PPP1R9A: variants seen among roughly 807,000 people sequenced by gnomAD.
PPP1R9A encodes protein phosphatase 1 regulatory subunit 9A.
A neutral mutation model predicts 141.9 loss-of-function variants in PPP1R9A; 59 were observed. The ratio of observed to expected loss-of-function variants is 0.42; its 90% CI spans 0.34 to 0.52. The LOEUF (loss-of-function observed/expected upper bound fraction) is 0.52. Ranked by LOEUF, PPP1R9A falls within the 20% of genes least tolerant of loss-of-function variation. PPP1R9A has a pLI of 0.10. For missense variants in PPP1R9A, 1,444 were observed against 1,611.9 expected, an observed-to-expected ratio of 0.90 and a Z score of 1.78; for synonymous variants, 500 against 569.7, an observed-to-expected ratio of 0.88 and a Z score of 1.74.
At chr7:94,980,331 CATTT>C (rs1387114258) in intron 2 of PPP1R9A, among the ~76,000 whole-genome samples, 1 of 152,068 alleles carries the variant, frequency 6.6e-6, no homozygotes, top group Non-Finnish European at 1.5e-5. Context: ...TGCATTGGCA[CATTT>C]ATGTGCGTGT....
At chr7:95,142,836 A>G (rs1826947003) in intron 4 of PPP1R9A, among the ~76,000 whole-genome samples, 1 of 152,098 alleles carries the variant, frequency 6.6e-6, no homozygotes. Context: ...ACATGTAAAG[A>G]GACAAAGCTG....
At chr7:95,136,882 A>C (rs1228730601) in intron 4 of PPP1R9A, among the ~76,000 whole-genome samples, 1 of 152,186 alleles carries the variant, frequency 6.6e-6, no homozygotes, top group Admixed American at 6.5e-5. Context: ...GAAATACCAC[A>C]CAATATCTGG....
At chr7:95,162,522 A>G (rs148754004) in intron 5 of PPP1R9A, among the ~76,000 whole-genome samples, 1 of 152,312 alleles carries the variant, frequency 6.6e-6, no homozygotes, top group Admixed American at 6.5e-5. Context: ...TGAATATTGT[A>G]TATTGGAAAA....
chr7:95,286,087 A>G, intron 17 of PPP1R9A, 119 bp from the exon 18 acceptor site: 1 of 1,462,514 alleles, frequency 6.8e-7, no homozygotes, highest in South Asian at 1.4e-5. Flanking sequence ...GTCATCACCA[A>G]ATCATACATG....
intron 4 of PPP1R9A, among the ~76,000 whole-genome samples, chr7:95,157,844 A>T (rs1829877591): frequency 6.6e-6 from 1 of 152,162 alleles, no homozygotes; most frequent in African/African-American, 2.4e-5. Flanking sequence ...TTATGGTAAC[A>T]CTCAAATTTT....
In PPP1R9A at chr7:95,072,908, G is replaced by A. The variant is rs1439415718; in HGVS notation, c.1396-38351G>A. Among the ~76,000 whole-genome samples, 10 of 112,856 alleles carry A rather than the reference G, an allele frequency of 8.9e-5. No homozygotes were observed. The Admixed American group carries it at 1.1e-3, about 13-fold the overall frequency. The allele number at this position is 112,856 out of a possible 152,430, so 74.0% of individuals were successfully genotyped here. A position where few individuals can be genotyped will look rare whatever the true frequency, so the allele number is the denominator to read the frequency against. ...AATATACCATATATAGCATATATGT[G>A]CAATATATATTATATATTGCATATA... On this transcript the variant is annotated intron_variant, in intron 2 of 19. Transcript: ENST00000433360.
At chr7:95,154,527 T>C (rs34139653) in intron 4 of PPP1R9A, among the ~76,000 whole-genome samples, 1 of 152,134 alleles carries the variant, frequency 6.6e-6, no homozygotes, top group Non-Finnish European at 1.5e-5. Context: ...TTAAGAAGAA[T>C]TTTTTCCCTA....
intron 2 of PPP1R9A, among the ~76,000 whole-genome samples, chr7:95,109,847 AAAAG>A (rs1388905570): frequency 1.3e-5 from 2 of 151,938 alleles, no homozygotes; most frequent in South Asian, 2.1e-4. Flanking sequence ...AATGAAAAAA[AAAAG>A]AAGAAGAAAA....
At chr7:94,945,960 A>G (rs1795849323) in intron 2 of PPP1R9A, among the ~76,000 whole-genome samples, 2 of 152,088 alleles carry the variant, frequency 1.3e-5, no homozygotes, top group African/African-American at 4.8e-5. Flanking sequence ...AATATAAGAG[A>G]TTCCAAAAAA....
intron 2 of PPP1R9A, among the ~76,000 whole-genome samples, chr7:95,003,386 T>C (rs1438881425): frequency 6.6e-6 from 1 of 152,164 alleles, no homozygotes; most frequent in East Asian, 1.9e-4. Flanking sequence ...TAACTCAACT[T>C]GTTATTCTGC....
At chr7:95,083,613 G>A (rs747996938) in intron 2 of PPP1R9A, among the ~76,000 whole-genome samples, 1 of 151,878 alleles carries the variant, frequency 6.6e-6, no homozygotes, top group Non-Finnish European at 1.5e-5. Flanking sequence ...GTTCCAGGTC[G>A]TTCCAGCTTA....
In PPP1R9A at chr7:95,147,852, G is replaced by C. The variant is rs371976316; in HGVS notation, c.1650-14015G>C. ...TGCATCCCAGGGATGAAGCCAACTT[G>C]ATCATGATGGATAACTTTTTTGATG... On this transcript the variant is annotated intron_variant, in intron 4 of 19. Transcript: ENST00000433360. 1.9e-4 allele frequency among the ~76,000 whole-genome samples: 29 copies of C among 152,288 alleles called. No homozygotes were observed. In the East Asian group the frequency reaches 4.4e-3, roughly 23 times the overall value.
At chr7:95,151,293 C>T (rs1274997660) in intron 4 of PPP1R9A, among the ~76,000 whole-genome samples, 1 of 152,092 alleles carries the variant, frequency 6.6e-6, no homozygotes, top group Admixed American at 6.5e-5. Context: ...TTATTCAGTG[C>T]TAAAAAGAAA....
At chr7:95,088,482 ATAG>A (rs956486929) in intron 2 of PPP1R9A, among the ~76,000 whole-genome samples, 4 of 152,000 alleles carry the variant, frequency 2.6e-5, no homozygotes, top group Admixed American at 1.3e-4. Context: ...CAGTTTAAAG[ATAG>A]TAGAGGAAAA....
At chr7:94,980,161 T>C (rs1396539520) in intron 2 of PPP1R9A, among the ~76,000 whole-genome samples, 1 of 137,768 alleles carries the variant, frequency 7.3e-6, no homozygotes, top group Non-Finnish European at 1.5e-5. Flanking sequence ...ACATGAAATA[T>C]ACTAACAATA....
At chr7:95,008,761 C>T (rs554309540) in intron 2 of PPP1R9A, among the ~76,000 whole-genome samples, 144 of 152,270 alleles carry the variant, frequency 9.5e-4, no homozygotes, top group Non-Finnish European at 1.8e-3. Context: ...ATCATGGTCA[C>T]ACCTACCCCA....
chr7:95,286,136 C>T (rs929431596), intron 17 of PPP1R9A, 70 bp from the exon 18 acceptor site: 12 of 1,586,104 alleles, frequency 7.6e-6, no homozygotes, highest in Middle Eastern at 1.7e-4. Context: ...CCTTTTAGAG[C>T]TTGTAGACAC....
At chr7:94,994,319 A>G (rs970267757) in intron 2 of PPP1R9A, among the ~76,000 whole-genome samples, 1 of 152,096 alleles carries the variant, frequency 6.6e-6, no homozygotes, top group Non-Finnish European at 1.5e-5. Context: ...GAAGGTGGGG[A>G]GAATTCTTTT....
intron 2 of PPP1R9A, among the ~76,000 whole-genome samples, chr7:95,048,015 A>G (rs1418272835): frequency 6.6e-6 from 1 of 152,196 alleles, no homozygotes; most frequent in Non-Finnish European, 1.5e-5. Flanking sequence ...TAGAATATTT[A>G]TTTTAAAAAG....
Sources: gnomAD v4.1 joint callset for allele counts (sites outside exome capture counted in the v4.1 genomes callset) on GRCh38, gnomAD v4.1.1 for gene constraint, MANE v1.5 for transcripts, NCBI Gene and HGNC (gene_info 2026-07-23, HGNC 2026-07-21) for gene names.